The following RBPMS2 variants were observed in gnomAD, a reference collection of about 807,000 sequenced individuals.
RBPMS2 encodes the protein RNA-binding protein with multiple splicing 2.
Under a neutral mutation model 25.7 loss-of-function variants are expected in RBPMS2, and 14 were observed. The observed-to-expected ratio is 0.55, with a 90% CI of 0.36 to 0.85. The LOEUF is 0.85. Among genes scored for constraint, RBPMS2 ranks in the 40% least tolerant of loss-of-function variants. The pLI, the probability that RBPMS2 is intolerant of heterozygous loss-of-function variation, is 0.01. For missense variants in RBPMS2, 252 were observed against 283.4 expected, an observed-to-expected ratio of 0.89 and a Z score of 0.80; for synonymous variants, 127 against 115.6, an observed-to-expected ratio of 1.10 and a Z score of -0.63.
At chr15:64,767,624 C>G (rs1179426117) in intron 1 of RBPMS2, among the ~76,000 whole-genome samples, 1 of 152,180 alleles carries the variant, frequency 6.6e-6, no homozygotes, top group Non-Finnish European at 1.5e-5. Context: ...GCTTGCCAGT[C>G]CCACCCTGGA....
chr15:64,775,161 G>T, intron 1 of RBPMS2, 72 bp downstream of exon 1: 3 of 863,060 alleles, frequency 3.5e-6, no homozygotes, highest in East Asian at 4.0e-5. Context: ...AGGCGCGGCA[G>T]GCCCCGCTCG....
chr15:64,770,280 G>T (rs2083883787), intron 1 of RBPMS2, among the ~76,000 whole-genome samples: 2 of 152,132 alleles, frequency 1.3e-5, no homozygotes, highest in African/African-American at 4.8e-5. Context: ...TATACTGTGT[G>T]GTTAAGAGCA....
At chr15:64,755,429 T>C (rs377061277) in intron 1 of RBPMS2, among the ~76,000 whole-genome samples, 46 of 152,186 alleles carry the variant, frequency 3.0e-4, no homozygotes, top group African/African-American at 9.1e-4. Context: ...TGGTTCCTAC[T>C]AGATTCCAGC....
chr15:64,753,967 G>C (rs890355564), intron 1 of RBPMS2, among the ~76,000 whole-genome samples: 2 of 152,126 alleles, frequency 1.3e-5, no homozygotes, highest in African/African-American at 4.8e-5. Flanking sequence ...GAAGTGACTT[G>C]TCCAAGGTCA....
chr15:64,749,109 T>C lies in RBPMS2; in HGVS notation c.309A>G (p.Leu103=), dbSNP rs770035025. The C allele has an allele frequency of 4.3e-6, 7 of 1,614,208 alleles. No individual in the cohort carries two copies. Among genetic ancestry groups the C allele is most frequent in the South Asian group, 1.1e-5 (1 of 91,082 alleles). ...TCTTGGTGTTGGCTTTGGCAAACTCTAGCCTCAGAGTCTGTGGATTTTCGG... is the reference window on the plus strand; with the variant it reads ...TCTTGGTGTTGGCTTTGGCAAACTCCAGCCTCAGAGTCTGTGGATTTTCGG... ...FDPENPQTLR[L]EFAKANTKMA... is the part of the protein sequence containing the mutation. The change falls in exon 5 of 8, where the codon CTA becomes CTG. Residue 103 remains leucine, a synonymous_variant. Coordinates refer to ENST00000300069, the MANE Select transcript of RBPMS2 (RefSeq NM_194272.3).
chr15:64,749,388 A>G, intron 4 of RBPMS2, 43 bp downstream of exon 4: 8 of 1,540,900 alleles, frequency 5.2e-6, no homozygotes, highest in Non-Finnish European at 6.3e-6. Context: ...CCACTGCCTA[A>G]GAGGGCTGTG....
intron 6 of RBPMS2, among the ~76,000 whole-genome samples, chr15:64,743,640 AGG>A (rs11318612): frequency 6.1e-3 from 135 of 22,306 alleles, no homozygotes; most frequent in African/African-American, 9.0e-3. Flanking sequence ...AGTTGTGCCC[AGG>A]GGGGGGGGGG....
chr15:64,742,045 T>C (rs2083567434), intron 6 of RBPMS2, among the ~76,000 whole-genome samples: 1 of 126,066 alleles, frequency 7.9e-6, no homozygotes. Context: ...ATGCCTGTAA[T>C]CCCAGCTACT....
intron 4 of RBPMS2, 67 bp from the exon 5 acceptor site, chr15:64,749,217 T>C: frequency 6.4e-7 from 1 of 1,571,256 alleles, no homozygotes; most frequent in Non-Finnish European, 8.7e-7. Context: ...TGGCAGAGAG[T>C]AGAGAAGGGC....
At chr15:64,763,802 GT>G (rs1183320131) in intron 1 of RBPMS2, among the ~76,000 whole-genome samples, 1 of 150,304 alleles carries the variant, frequency 6.7e-6, no homozygotes, top group African/African-American at 2.5e-5. Context: ...CCAATGGTGT[GT>G]GTGTGTAGGG....
chr15:64,769,918 C>T (rs1022495302), intron 1 of RBPMS2, among the ~76,000 whole-genome samples: 2 of 152,092 alleles, frequency 1.3e-5, no homozygotes, highest in Non-Finnish European at 2.9e-5. Flanking sequence ...CGGTGGCTCA[C>T]GCCTGTAATC....
intron 1 of RBPMS2, among the ~76,000 whole-genome samples, chr15:64,770,396 AGTACT>A (rs1343273342): frequency 6.6e-6 from 1 of 152,244 alleles, no homozygotes; most frequent in Non-Finnish European, 1.5e-5. Context: ...TAATAATGTA[AGTACT>A]TCATAATGCT....
rs146267443 is a variant in RBPMS2 at position 64,760,123 on chromosome 15, C to A, written c.88-8485G>T. On this transcript the variant is annotated intron_variant, in intron 1 of 7. Transcript: ENST00000300069. ...CCCTCCTTCCAGGGCACACACAGGG[C>A]CCAGCTCACATGGAGGTCCTGCAGG... 3.9e-3 allele frequency among the ~76,000 whole-genome samples: 594 copies of A among 152,324 alleles called. 5 individuals are homozygous for A. The highest frequency in any genetic ancestry group is 0.014 in the African/African-American group (574 of 41,572).
intron 1 of RBPMS2, among the ~76,000 whole-genome samples, chr15:64,758,424 G>T (rs553272671): frequency 6.6e-6 from 1 of 152,356 alleles, no homozygotes; most frequent in East Asian, 1.9e-4. Context: ...GGAACGGATG[G>T]AGGATGATTC....
At chr15:64,746,720 C>A (rs1387070127) in intron 6 of RBPMS2, among the ~76,000 whole-genome samples, 2 of 152,204 alleles carry the variant, frequency 1.3e-5, no homozygotes, top group African/African-American at 4.8e-5. Context: ...AACTCATTGT[C>A]CCTGGCTCCC....
chr15:64,766,083 T>C (rs1423190632), intron 1 of RBPMS2, among the ~76,000 whole-genome samples: 1 of 151,354 alleles, frequency 6.6e-6, no homozygotes. Context: ...GAGGGGGAGG[T>C]TGGTTAACCA....
chr15:64,759,966 C>T (rs1297432259), intron 1 of RBPMS2, among the ~76,000 whole-genome samples: 1 of 152,238 alleles, frequency 6.6e-6, no homozygotes, highest in East Asian at 1.9e-4. Flanking sequence ...AGCCACCGCG[C>T]CAGGCCTACT....
At chr15:64,751,770 G>T in intron 1 of RBPMS2, 132 bp from the exon 2 acceptor site, 2 of 653,916 alleles carry the variant, frequency 3.1e-6, no homozygotes, top group Non-Finnish European at 5.4e-6. Flanking sequence ...GGCCTCCTTG[G>T]ATACCCAAGG....
chr15:64,769,419 C>G (rs1216145351), intron 1 of RBPMS2, among the ~76,000 whole-genome samples: 32 of 113,232 alleles, frequency 2.8e-4, no homozygotes, highest in Non-Finnish European at 7.4e-5. Flanking sequence ...AGCGAAACTC[C>G]GTCTCAAAAA....
Sources: gnomAD v4.1 joint callset for allele counts (sites outside exome capture counted in the v4.1 genomes callset) on GRCh38, gnomAD v4.1.1 for gene constraint, MANE v1.5 for transcripts, NCBI Gene and HGNC (gene_info 2026-07-23, HGNC 2026-07-21) for gene names.